GRID2: variants seen among roughly 807,000 people sequenced by gnomAD.
GRID2 encodes glutamate receptor ionotropic, delta-2.
Under a neutral mutation model 114.8 loss-of-function variants are expected in GRID2, and 33 were observed. That is an observed-to-expected ratio of 0.29 (90% confidence interval 0.22 to 0.38). The LOEUF is 0.38. GRID2 is among the 10% of genes least tolerant of loss of function. The probability of loss-of-function intolerance (pLI) is 1.00; values close to 1 mark genes in which losing one functional copy is unlikely to be tolerated. For synonymous variants in GRID2, 505 were observed against 449.9 expected (o/e 1.12, Z -1.55); for missense variants, 1,184 against 1,257.7 (o/e 0.94, Z 0.89).
chr4:93,121,916 G>A (rs542641031), intron 4 of GRID2, among the ~76,000 whole-genome samples: 4 of 152,024 alleles, frequency 2.6e-5, no homozygotes, highest in Non-Finnish European at 4.4e-5. Flanking sequence ...TTGCTTCGAG[G>A]ATATTTTTCT....
chr4:93,705,471 A>G (rs146352525), intron 14 of GRID2, among the ~76,000 whole-genome samples: 228 of 152,082 alleles, frequency 1.5e-3, no homozygotes, highest in African/African-American at 4.0e-3. Flanking sequence ...AGCTGGGATT[A>G]CAGGCACCCA....
intron 4 of GRID2, among the ~76,000 whole-genome samples, chr4:93,137,003 C>A (rs999539429): frequency 1.3e-5 from 2 of 152,084 alleles, no homozygotes; most frequent in African/African-American, 4.8e-5. Context: ...TTGATTATGG[C>A]AGACAAAAAT....
At chr4:92,380,135 T>C (rs1729545515) in intron 1 of GRID2, among the ~76,000 whole-genome samples, 1 of 151,472 alleles carries the variant, frequency 6.6e-6, no homozygotes, top group African/African-American at 2.4e-5. Context: ...AACAATGAAG[T>C]TTGGGAAGCA....
intron 8 of GRID2, among the ~76,000 whole-genome samples, chr4:93,388,578 G>C (rs868381822): frequency 3.9e-5 from 6 of 152,262 alleles, no homozygotes; most frequent in Admixed American, 3.3e-4. Context: ...GACATGAATT[G>C]ATGAATATAA....
intron 2 of GRID2, among the ~76,000 whole-genome samples, chr4:92,915,767 G>A (rs1453792385): frequency 6.6e-6 from 1 of 152,118 alleles, no homozygotes; most frequent in Non-Finnish European, 1.5e-5. Context: ...TCTGTCTGGT[G>A]TGAGATGGTA....
intron 1 of GRID2, among the ~76,000 whole-genome samples, chr4:92,433,516 G>A (rs1167666177): frequency 2.0e-5 from 3 of 152,162 alleles, no homozygotes; most frequent in African/African-American, 7.2e-5. Context: ...GTTGCTTTCT[G>A]CTGGAACAGA....
intron 8 of GRID2, among the ~76,000 whole-genome samples, chr4:93,353,670 A>G (rs1194758180): frequency 1.3e-5 from 2 of 152,178 alleles, no homozygotes; most frequent in Non-Finnish European, 2.9e-5. Context: ...AAAAATTGAC[A>G]GTGAGTTTAA....
intron 2 of GRID2, among the ~76,000 whole-genome samples, chr4:92,860,126 G>T (rs1744433851): frequency 6.6e-6 from 1 of 151,892 alleles, no homozygotes; most frequent in Non-Finnish European, 1.5e-5. Context: ...AAGGCCCAGA[G>T]AAGTTAATTT....
chr4:92,711,759 C>G (rs904867311), intron 2 of GRID2, among the ~76,000 whole-genome samples: 7 of 152,036 alleles, frequency 4.6e-5, no homozygotes, highest in African/African-American at 1.4e-4. Flanking sequence ...AAAAATTAGC[C>G]AGGCCTGGTG....
intron 2 of GRID2, among the ~76,000 whole-genome samples, chr4:92,748,435 A>T (rs1438354792): frequency 6.6e-6 from 1 of 151,700 alleles, no homozygotes; most frequent in Non-Finnish European, 1.5e-5. Flanking sequence ...AAACTACATG[A>T]TGATCTCCAT....
Position 93,134,563 on chromosome 4 carries a change from T to A in GRID2, c.735+23610T>A, listed in dbSNP as rs72887666. Among the ~76,000 whole-genome samples the A allele has an allele frequency of 7.3e-3, 1,114 of 152,282 alleles. 19 individuals are homozygous for A. Among genetic ancestry groups the A allele is most frequent in the African/African-American group, 0.025 (1,059 of 41,568 alleles). Reference sequence around the variant, plus strand: ...TCTGTTTTAAATTTTTCTCTTTGAGTTTAAATTGAATTTCTGTGGTGTTTT... The same window carrying A: ...TCTGTTTTAAATTTTTCTCTTTGAGATTAAATTGAATTTCTGTGGTGTTTT... On this transcript the variant is annotated intron_variant, in intron 4 of 15. Coordinates refer to ENST00000282020, the MANE Select transcript of GRID2 (RefSeq NM_001510.4).
chr4:93,152,108 G>A (rs577267004), intron 4 of GRID2, among the ~76,000 whole-genome samples: 9 of 152,026 alleles, frequency 5.9e-5, no homozygotes, highest in African/African-American at 2.2e-4. Flanking sequence ...CTTCAGAAAA[G>A]CAATCAAATT....
intron 2 of GRID2, among the ~76,000 whole-genome samples, chr4:92,841,852 T>C (rs1189279174): frequency 6.6e-6 from 1 of 152,070 alleles, no homozygotes; most frequent in Non-Finnish European, 1.5e-5. Context: ...AGGGAATACA[T>C]AGGAATATCA....
intron 2 of GRID2, among the ~76,000 whole-genome samples, chr4:92,908,392 T>C (rs1284929899): frequency 6.6e-6 from 1 of 152,108 alleles, no homozygotes; most frequent in Non-Finnish European, 1.5e-5. Flanking sequence ...TTAGAGTTCT[T>C]ATTTTGTAGT....
Position 93,662,525 on chromosome 4 carries a change from G to C in GRID2, c.2360+36090G>C, listed in dbSNP as rs540521178. 1.1e-4 allele frequency among the ~76,000 whole-genome samples: 16 copies of C among 152,170 alleles called. No homozygotes were observed. In the South Asian group the frequency reaches 3.3e-3, roughly 32 times the overall value. On this transcript the variant is annotated intron_variant, in intron 14 of 15. Coordinates refer to ENST00000282020, the MANE Select transcript of GRID2 (RefSeq NM_001510.4). ...ATCTGCTTCTAAAGACAGCACCAGAGAACATTTCTCTGAAACATAAATAAA... is the reference window on the plus strand; with the variant it reads ...ATCTGCTTCTAAAGACAGCACCAGACAACATTTCTCTGAAACATAAATAAA...
chr4:92,440,016 G>A (rs529018750), intron 1 of GRID2, among the ~76,000 whole-genome samples: 4 of 146,016 alleles, frequency 2.7e-5, no homozygotes, highest in African/African-American at 9.8e-5. Flanking sequence ...GGTGTCAAAT[G>A]AGACTGGGGC....
At position 92,639,791 on chromosome 4, in the gene GRID2, T is replaced by C. The variant is rs555205120; in HGVS notation, c.244+49505T>C. Among the ~76,000 whole-genome samples, 148 of 151,856 alleles carry C rather than the reference T, an allele frequency of 9.7e-4. 1 individual carries two copies. Among genetic ancestry groups the C allele is most frequent in the Non-Finnish European group, 4.3e-4 (29 of 67,844 alleles). On this transcript the variant is annotated intron_variant, in intron 2 of 15. Transcript: ENST00000282020. ...CCTTATAAAGTTATACAAATAAAAA[T>C]TTTAAATAAAATATCACTCTAACAA...
Position 92,482,026 on chromosome 4 carries a change from A to C in GRID2, c.89-108105A>C, listed in dbSNP as rs1489804067. ...TATATATATATATATATATATATAT[A>C]TATATATAAAATAACAATACAAGCT... On this transcript the variant is annotated intron_variant, in intron 1 of 15. Transcript: ENST00000282020. Among the ~76,000 whole-genome samples, 11 of 69,622 alleles carry C rather than the reference A, an allele frequency of 1.6e-4. 1 individual carries two copies. The highest frequency in any genetic ancestry group is 6.1e-4 in the African/African-American group (11 of 17,922). 45.7% of individuals were successfully genotyped at this position (69,622 alleles called of 152,430 possible).
At chr4:93,302,192 G>A (rs921386115) in intron 8 of GRID2, among the ~76,000 whole-genome samples, 12 of 151,688 alleles carry the variant, frequency 7.9e-5, no homozygotes, top group African/African-American at 1.9e-4. Context: ...TCTTATCTTC[G>A]CATTATTAAA....
Sources: gnomAD v4.1 joint callset for allele counts (sites outside exome capture counted in the v4.1 genomes callset) on GRCh38, gnomAD v4.1.1 for gene constraint, MANE v1.5 for transcripts, NCBI Gene and HGNC (gene_info 2026-07-23, HGNC 2026-07-21) for gene names.